The following BICD1 variants were observed in gnomAD, a reference collection of about 807,000 sequenced individuals.
BICD1 encodes the protein protein bicaudal D homolog 1.
A neutral mutation model predicts 92.5 loss-of-function variants in BICD1; 35 were observed. That is an observed-to-expected ratio of 0.38 (90% CI 0.29 to 0.50). The LOEUF is 0.50. BICD1 is among the 20% of genes least tolerant of loss of function. The probability of loss-of-function intolerance (pLI) is 0.93; values close to 1 mark genes in which losing one functional copy is unlikely to be tolerated. For synonymous variants in BICD1, 429 were observed against 465.1 expected (o/e 0.92, Z 1.00); for missense variants, 950 against 1,189.8 (o/e 0.80, Z 2.97).
In BICD1 at chr12:32,107,034, A is replaced by C; in HGVS notation, c.-298A>C. On this transcript the variant is annotated 5_prime_UTR_variant, in exon 1 of 10. An upstream start codon of the reference 5' UTR is lost. Coordinates refer to ENST00000652176, the MANE Select transcript of BICD1 (RefSeq NM_001714.4). ...ACCCGCGGCCGCCGCAGCCCGGGCCATGCCGCACGGCTGCTGACCGCACGC... is the reference window on the plus strand; with the variant it reads ...ACCCGCGGCCGCCGCAGCCCGGGCCCTGCCGCACGGCTGCTGACCGCACGC... 2.8e-6 allele frequency: 1 copy of C among 352,072 alleles called. No individual in the cohort carries two copies. The highest frequency in any genetic ancestry group is 5.2e-6 in the Non-Finnish European group (1 of 191,982). 21.8% of individuals were successfully genotyped at this position (352,072 alleles called of 1,614,324 possible).
At chr12:32,336,254 A>G (rs958681037) in intron 6 of BICD1, among the ~76,000 whole-genome samples, 1 of 152,228 alleles carries the variant, frequency 6.6e-6, no homozygotes, top group Admixed American at 6.5e-5. Context: ...AAAATTCAGA[A>G]TGAGCTTTTT....
At chr12:32,363,397 T>A (rs1014939595) in intron 8 of BICD1, among the ~76,000 whole-genome samples, 1 of 152,146 alleles carries the variant, frequency 6.6e-6, no homozygotes, top group Non-Finnish European at 1.5e-5. Context: ...AAAAAATACA[T>A]AAATAATCTC....
intron 3 of BICD1, among the ~76,000 whole-genome samples, chr12:32,295,678 G>A (rs948112624): frequency 2.1e-5 from 3 of 145,034 alleles, no homozygotes; most frequent in African/African-American, 7.8e-5. Context: ...TTTTGCGACA[G>A]AGTCTTGCTG....
In BICD1 at chr12:32,243,264, ATTTT is replaced by A. The variant is rs71068310; in HGVS notation, c.426+26823_426+26826del. On this transcript the variant is annotated intron_variant, in intron 2 of 9. Transcript: ENST00000652176. Reference sequence around the variant, plus strand: ...AGGCACGCCCCACCATGCCTGGCTAATTTTTTTTTTTTTTTTTTTTTGTATTTTT... The same window carrying A: ...AGGCACGCCCCACCATGCCTGGCTAATTTTTTTTTTTTTTTTTGTATTTTT... Among the ~76,000 whole-genome samples, 79 of 74,034 alleles carry A rather than the reference ATTTT, an allele frequency of 1.1e-3. 1 individual carries two copies. The highest frequency in any genetic ancestry group is 0.016 in the Middle Eastern group (2 of 122). 48.6% of individuals were successfully genotyped at this position (74,034 alleles called of 152,430 possible). A position where few individuals can be genotyped will look rare whatever the true frequency, so the allele number is the denominator to read the frequency against.
chr12:32,217,282 A>G (rs1275392033), intron 2 of BICD1, among the ~76,000 whole-genome samples: 1 of 152,240 alleles, frequency 6.6e-6, no homozygotes, highest in Admixed American at 6.5e-5. Context: ...TGACAGGTCC[A>G]CAACCAAGTG....
chr12:32,348,093 C>T (rs1014703030), intron 8 of BICD1, among the ~76,000 whole-genome samples: 24 of 152,084 alleles, frequency 1.6e-4, no homozygotes, highest in Admixed American at 6.6e-5. Flanking sequence ...TGGTCCTATT[C>T]GTGTTTTTAT....
intron 1 of BICD1, among the ~76,000 whole-genome samples, chr12:32,132,986 A>G (rs1258416016): frequency 6.6e-6 from 1 of 152,140 alleles, no homozygotes; most frequent in Admixed American, 6.6e-5. Flanking sequence ...TAAATATGGG[A>G]GGCAAAAGAA....
intron 1 of BICD1, among the ~76,000 whole-genome samples, chr12:32,203,421 T>C (rs187437231): frequency 3.3e-5 from 5 of 152,264 alleles, no homozygotes; most frequent in Admixed American, 2.6e-4. Context: ...AGAAAATATG[T>C]GCCATACATA....
At chr12:32,327,382 C>T in intron 4 of BICD1, 79 bp from the exon 5 acceptor site, 1 of 1,494,502 alleles carries the variant, frequency 6.7e-7, no homozygotes, top group South Asian at 1.4e-5. Context: ...TAAGTGTATA[C>T]ATGCCCGACT....
chr12:32,335,936 G>T (rs746651683), intron 6 of BICD1, among the ~76,000 whole-genome samples: 1 of 151,912 alleles, frequency 6.6e-6, no homozygotes, highest in Non-Finnish European at 1.5e-5. Flanking sequence ...CAAAATTCAC[G>T]AATAATTACT....
intron 8 of BICD1, among the ~76,000 whole-genome samples, chr12:32,364,045 C>T (rs1352736385): frequency 2.6e-5 from 4 of 152,164 alleles, no homozygotes; most frequent in African/African-American, 9.7e-5. Context: ...ATCACCATCA[C>T]ACTTCAATGT....
chr12:32,240,618 A>G (rs1217794670), intron 2 of BICD1, among the ~76,000 whole-genome samples: 1 of 152,168 alleles, frequency 6.6e-6, no homozygotes, highest in Non-Finnish European at 1.5e-5. Context: ...AAAATCCTTA[A>G]TTTAATCGTA....
chr12:32,252,207 A>G, intron 2 of BICD1, among the ~76,000 whole-genome samples: 1 of 134,314 alleles, frequency 7.4e-6, no homozygotes. Flanking sequence ...TTTTATATAT[A>G]TTATATATCT....
intron 1 of BICD1, among the ~76,000 whole-genome samples, chr12:32,203,625 G>GT (rs1277257831): frequency 9.2e-5 from 14 of 152,174 alleles, no homozygotes; most frequent in African/African-American, 2.2e-4. Context: ...CCAGGTGAAG[G>GT]TTGCAGGAGG....
At chr12:32,184,433 C>T (rs534453072) in intron 1 of BICD1, among the ~76,000 whole-genome samples, 3 of 152,098 alleles carry the variant, frequency 2.0e-5, no homozygotes, top group Non-Finnish European at 4.4e-5. Context: ...ATTACAGACG[C>T]ATGCCACCAC....
At chr12:32,279,589 A>G (rs1459019372) in intron 2 of BICD1, among the ~76,000 whole-genome samples, 1 of 152,220 alleles carries the variant, frequency 6.6e-6, no homozygotes, top group African/African-American at 2.4e-5. Context: ...TGCACCATTT[A>G]TTTCAACTGT....
At position 32,170,268 on chromosome 12, in the gene BICD1, C is replaced by T. The variant is rs191892875; in HGVS notation, c.214-45979C>T. Among the ~76,000 whole-genome samples, 6 of 152,258 alleles carry T rather than the reference C, an allele frequency of 3.9e-5. No homozygotes were observed. In the East Asian group the frequency reaches 9.6e-4, roughly 24 times the overall value. Reference sequence around the variant, plus strand: ...GATTGGAATATTTGTTTTCTCTGTTCCTTACCTGTTTCCCCCTATTTTTCT... The same window carrying T: ...GATTGGAATATTTGTTTTCTCTGTTTCTTACCTGTTTCCCCCTATTTTTCT... On this transcript the variant is annotated intron_variant, in intron 1 of 9. Coordinates refer to ENST00000652176, the MANE Select transcript of BICD1 (RefSeq NM_001714.4).
chr12:32,302,880 A>T (rs1417602785), intron 3 of BICD1, among the ~76,000 whole-genome samples: 593 of 109,738 alleles, frequency 5.4e-3, no homozygotes, highest in East Asian at 0.031. Context: ...TCCAATGACC[A>T]TTTTTTTTTT....
chr12:32,314,400 T>C (rs1005832150), intron 4 of BICD1, among the ~76,000 whole-genome samples: 3 of 152,172 alleles, frequency 2.0e-5, no homozygotes, highest in Admixed American at 2.0e-4. Flanking sequence ...CAGCAGTGTA[T>C]GAGTGTTCCG....
Sources: gnomAD v4.1 joint callset for allele counts (sites outside exome capture counted in the v4.1 genomes callset) on GRCh38, gnomAD v4.1.1 for gene constraint, MANE v1.5 for transcripts, NCBI Gene and HGNC (gene_info 2026-07-23, HGNC 2026-07-21) for gene names.